Variants in PTPRD observed in about 807,000 individuals in gnomAD.
PTPRD encodes the protein protein tyrosine phosphatase receptor type D.
PTPRD carries 34 observed loss-of-function variants against 214.5 expected under a neutral mutation model. That is an observed-to-expected ratio of 0.16 (90% CI 0.12 to 0.21). The LOEUF is 0.21. PTPRD is among the 10% of genes least tolerant of loss of function. The pLI is 1.00. For missense variants in PTPRD, 2,545 were observed against 2,398.7 expected, an observed-to-expected ratio of 1.06 and a Z score of -1.27; for synonymous variants, 1,128 against 845.7, an observed-to-expected ratio of 1.33 and a Z score of -5.79.
At chr9:9,184,461 A>T (rs373169574) in intron 9 of PTPRD, among the ~76,000 whole-genome samples, 196 of 152,138 alleles carry the variant, frequency 1.3e-3, no homozygotes, top group African/African-American at 4.5e-3. Context: ...AAAGAACATG[A>T]TTCTCCAGCC....
chr9:9,967,241 G>A (rs1352195521), intron 4 of PTPRD, among the ~76,000 whole-genome samples: 2 of 152,142 alleles, frequency 1.3e-5, no homozygotes, highest in African/African-American at 2.4e-5. Context: ...CTCCCTCAGA[G>A]TTGTGAGAAT....
intron 7 of PTPRD, among the ~76,000 whole-genome samples, chr9:9,593,142 G>GAAAGA (rs56345527): frequency 0.34 from 49,541 of 145,776 alleles, 8,867 homozygotes; most frequent in Non-Finnish European, 0.39. Flanking sequence ...AAAGGAAAGG[G>GAAAGA]AAAGAAAAGA....
At chr9:8,745,900 C>T (rs1438477343) in intron 11 of PTPRD, among the ~76,000 whole-genome samples, 1 of 152,030 alleles carries the variant, frequency 6.6e-6, no homozygotes, top group African/African-American at 2.4e-5. Context: ...TGGGCTCAAG[C>T]TATCCTCCCG....
chr9:8,684,690 T>C (rs1355430658), intron 12 of PTPRD, among the ~76,000 whole-genome samples: 1 of 152,202 alleles, frequency 6.6e-6, no homozygotes, highest in Admixed American at 6.5e-5. Flanking sequence ...TTAAGATTGA[T>C]TAACAGGAAA....
chr9:8,402,909 C>G (rs2092586292), intron 36 of PTPRD, among the ~76,000 whole-genome samples: 1 of 151,976 alleles, frequency 6.6e-6, no homozygotes, highest in South Asian at 2.1e-4. Flanking sequence ...CACTTAGTAT[C>G]TGTGGGTGCC....
rs534048517 is a variant in PTPRD at position 9,256,851 on chromosome 9, C to T, written c.-202-73488G>A. On this transcript the variant is annotated intron_variant, in intron 9 of 45. Coordinates refer to ENST00000381196, the MANE Select transcript of PTPRD (RefSeq NM_002839.4). ...CTGCTTATAAGAAAAATCTCTAAGT[C>T]TTATTTGCCTAAACTCTGTTGACAT... is the stretch of plus-strand genomic sequence containing the variant. 3.3e-5 allele frequency among the ~76,000 whole-genome samples: 5 copies of T among 152,098 alleles called. 1 individual carries two copies. The South Asian group carries it at 1.0e-3, about 32-fold the overall frequency.
intron 9 of PTPRD, among the ~76,000 whole-genome samples, chr9:9,262,942 C>T (rs1045345396): frequency 2.6e-5 from 4 of 151,624 alleles, no homozygotes; most frequent in East Asian, 2.0e-4. Flanking sequence ...GTGTCATAAA[C>T]GTAAAAACAT....
At chr9:9,535,504 C>A (rs757451341) in intron 8 of PTPRD, among the ~76,000 whole-genome samples, 8 of 152,036 alleles carry the variant, frequency 5.3e-5, no homozygotes, top group Non-Finnish European at 8.8e-5. Flanking sequence ...TGCTGTGTCA[C>A]CAAAACTCTA....
chr9:9,910,684 G>A (rs547048540), intron 5 of PTPRD, among the ~76,000 whole-genome samples: 21 of 151,974 alleles, frequency 1.4e-4, no homozygotes, highest in African/African-American at 4.8e-4. Flanking sequence ...ATATATAGAT[G>A]TATTTGTCAT....
Position 10,516,103 on chromosome 9 carries a change from T to A in PTPRD, c.-600+96295A>T, listed in dbSNP as rs76680565. 1.6e-4 allele frequency among the ~76,000 whole-genome samples: 25 copies of A among 152,086 alleles called. No homozygotes were observed. The East Asian group carries it at 4.8e-3, about 29-fold the overall frequency. ...TTGAACAAATATCCAAAAATAGGAT[T>A]GATGGGTCATATGGTAGCTCTATTT... On this transcript the variant is annotated intron_variant, in intron 2 of 45. Transcript: ENST00000381196.
intron 4 of PTPRD, among the ~76,000 whole-genome samples, chr9:9,963,640 A>G (rs1362665699): frequency 6.6e-6 from 1 of 152,166 alleles, no homozygotes; most frequent in East Asian, 1.9e-4. Flanking sequence ...GGGTAGGTAG[A>G]GACAGTTGAT....
At chr9:9,837,818 G>A (rs2057219932) in intron 5 of PTPRD, among the ~76,000 whole-genome samples, 1 of 152,100 alleles carries the variant, frequency 6.6e-6, no homozygotes, top group Non-Finnish European at 1.5e-5. Context: ...TGCACAATGT[G>A]CAGGTTAGTT....
At chr9:9,618,709 A>G (rs1206009917) in intron 7 of PTPRD, among the ~76,000 whole-genome samples, 1 of 152,222 alleles carries the variant, frequency 6.6e-6, no homozygotes, top group Non-Finnish European at 1.5e-5. Flanking sequence ...ACAAATATCA[A>G]GTAGGTATTA....
intron 7 of PTPRD, among the ~76,000 whole-genome samples, chr9:9,696,699 G>A (rs987352190): frequency 1.3e-5 from 2 of 151,998 alleles, no homozygotes; most frequent in Non-Finnish European, 2.9e-5. Flanking sequence ...TGTCTTTATA[G>A]GTGAAATGGG....
At chr9:10,189,103 G>T (rs2099351095) in intron 3 of PTPRD, among the ~76,000 whole-genome samples, 1 of 152,058 alleles carries the variant, frequency 6.6e-6, no homozygotes, top group African/African-American at 2.4e-5. Context: ...TCCATTGTGA[G>T]GATGTGCTGC....
At chr9:10,528,211 G>C (rs987068921) in intron 2 of PTPRD, among the ~76,000 whole-genome samples, 1 of 152,106 alleles carries the variant, frequency 6.6e-6, no homozygotes, top group East Asian at 1.9e-4. Context: ...ACAGAAAGAA[G>C]GAGTTAAAAA....
chr9:9,594,047 A>T (rs2093034834), intron 7 of PTPRD, among the ~76,000 whole-genome samples: 1 of 152,104 alleles, frequency 6.6e-6, no homozygotes, highest in Admixed American at 6.6e-5. Context: ...TTAATGAGGC[A>T]GTGATTAAAA....
chr9:10,546,822 T>C (rs1332527743), intron 2 of PTPRD, among the ~76,000 whole-genome samples: 2 of 152,086 alleles, frequency 1.3e-5, no homozygotes, highest in Admixed American at 6.6e-5. Flanking sequence ...AACGGCCAGA[T>C]AGATGGATAC....
chr9:9,351,607 G>C (rs2051178490), intron 9 of PTPRD, among the ~76,000 whole-genome samples: 11 of 152,036 alleles, frequency 7.2e-5, no homozygotes, highest in Admixed American at 7.2e-4. Context: ...AGTCAGTACA[G>C]CAAACCAAGA....
Sources: allele counts gnomAD v4.1 joint callset (sites outside exome capture counted in the v4.1 genomes callset), GRCh38; gene constraint gnomAD v4.1.1; transcripts MANE v1.5; gene names NCBI Gene and HGNC (gene_info 2026-07-23, HGNC 2026-07-21).